The following HDAC9 variants were observed in gnomAD, a reference collection of about 807,000 sequenced individuals.
The protein encoded by HDAC9 is MEF-2 interacting transcription repressor (MITR) protein.
A neutral mutation model predicts 139.4 loss-of-function variants in HDAC9; 41 were observed. That is an observed-to-expected ratio of 0.29 (90% CI 0.23 to 0.38). The LOEUF (loss-of-function observed/expected upper bound fraction) is 0.38. Ranked by LOEUF, HDAC9 falls within the 10% of genes least tolerant of loss-of-function variation. The pLI is 1.00. For missense variants in HDAC9, 1,147 were observed against 1,297.0 expected (o/e 0.88, Z 1.78); for synonymous variants, 517 against 476.2 (o/e 1.09, Z -1.12).
At chr7:18,178,792 G>A (rs1449900117) in intron 2 of HDAC9, among the ~76,000 whole-genome samples, 2 of 152,108 alleles carry the variant, frequency 1.3e-5, no homozygotes, top group African/African-American at 2.4e-5. Flanking sequence ...AATATACTAC[G>A]TTTCTGAGGA....
intron 13 of HDAC9, among the ~76,000 whole-genome samples, chr7:18,739,163 A>C (rs1787209689): frequency 6.6e-6 from 1 of 152,166 alleles, no homozygotes; most frequent in South Asian, 2.1e-4. Context: ...CCATTCATCT[A>C]ATCTTTTTTC....
At chr7:18,864,742 G>A (rs1192303908) in intron 21 of HDAC9, among the ~76,000 whole-genome samples, 1 of 152,080 alleles carries the variant, frequency 6.6e-6, no homozygotes, top group Non-Finnish European at 1.5e-5. Context: ...GGGGCTTGGA[G>A]GAAGGGGAAA....
intron 16 of HDAC9, among the ~76,000 whole-genome samples, chr7:18,783,708 T>C (rs944484810): frequency 2.0e-5 from 3 of 151,848 alleles, no homozygotes; most frequent in Non-Finnish European, 2.9e-5. Flanking sequence ...TTTCAAACTT[T>C]GTGTGAAAAT....
At chr7:18,653,770 A>G (rs6979890) in intron 11 of HDAC9, among the ~76,000 whole-genome samples, 56,869 of 151,998 alleles carry the variant, frequency 0.37, 13,646 homozygotes, top group African/African-American at 0.66. Context: ...GAGCAAATGG[A>G]GAGCTTTCAT....
chr7:18,337,748 G>C (rs537015664), intron 1 of HDAC9, among the ~76,000 whole-genome samples: 1 of 151,816 alleles, frequency 6.6e-6, no homozygotes, highest in East Asian at 1.9e-4. Context: ...GGAAATGATT[G>C]GGCATGTGCC....
At chr7:18,359,476 A>G (rs1783601590) in intron 1 of HDAC9, among the ~76,000 whole-genome samples, 2 of 152,332 alleles carry the variant, frequency 1.3e-5, no homozygotes, top group Middle Eastern at 6.8e-3. Context: ...CTCAACTCTC[A>G]TTCACATTTT....
chr7:18,776,232 T>G (rs1012529799), intron 16 of HDAC9, among the ~76,000 whole-genome samples: 1 of 152,024 alleles, frequency 6.6e-6, no homozygotes, highest in Non-Finnish European at 1.5e-5. Context: ...CCTGAACCAC[T>G]GTGCCTGGCA....
At chr7:18,529,318 T>G (rs927560616) in intron 2 of HDAC9, among the ~76,000 whole-genome samples, 5 of 152,040 alleles carry the variant, frequency 3.3e-5, no homozygotes, top group Admixed American at 3.3e-4. Flanking sequence ...GACATAAAAG[T>G]AAATAAAAAG....
chr7:18,444,478 A>G (rs1792109695), intron 1 of HDAC9, among the ~76,000 whole-genome samples: 1 of 151,900 alleles, frequency 6.6e-6, no homozygotes, highest in Non-Finnish European at 1.5e-5. Context: ...GGAAAGGTAG[A>G]TTAGTATTTT....
intron 22 of HDAC9, among the ~76,000 whole-genome samples, chr7:18,880,120 C>G (rs1320911971): frequency 6.6e-6 from 1 of 152,162 alleles, no homozygotes; most frequent in Admixed American, 6.5e-5. Flanking sequence ...CCATCTCACA[C>G]AGGTCAGAAT....
intron 1 of HDAC9, among the ~76,000 whole-genome samples, chr7:18,448,551 A>G (rs747036535): frequency 6.6e-6 from 1 of 152,180 alleles, no homozygotes; most frequent in Admixed American, 6.5e-5. Context: ...AAGAGAGGGT[A>G]ACGTAACTAT....
chr7:18,098,134 A>G (rs1405708886), intron 1 of HDAC9, among the ~76,000 whole-genome samples: 1 of 152,232 alleles, frequency 6.6e-6, no homozygotes, highest in Non-Finnish European at 1.5e-5. Context: ...TAATCCCATC[A>G]TGACAAGTTT....
intron 1 of HDAC9, among the ~76,000 whole-genome samples, chr7:18,388,951 C>A (rs978487437): frequency 2.0e-5 from 3 of 152,108 alleles, no homozygotes; most frequent in African/African-American, 7.2e-5. Flanking sequence ...CTGAACTAAC[C>A]TTTTTCTTGT....
At chr7:18,197,066 C>G (rs1477260730) in intron 2 of HDAC9, among the ~76,000 whole-genome samples, 3 of 152,088 alleles carry the variant, frequency 2.0e-5, no homozygotes, top group Non-Finnish European at 4.4e-5. Context: ...AGGCTGACCC[C>G]CCTTATGTAA....
rs192276616 is a variant in HDAC9 at position 18,796,883 on chromosome 7, T to A, written c.2322+3431T>A. Among the ~76,000 whole-genome samples the A allele has an allele frequency of 4.0e-3, 603 of 152,324 alleles. 1 individual carries two copies. The highest frequency in any genetic ancestry group is 0.014 in the African/African-American group (577 of 41,574). ...TGGTGTTCTTTTGACAATGCTACCA[T>A]GTCTTCATAAAATAGTCAAAGTTGC... On this transcript the variant is annotated intron_variant, in intron 17 of 25. Coordinates refer to ENST00000686413, the MANE Select transcript of HDAC9 (RefSeq NM_178425.4).
chr7:18,786,640 T>TC (rs1431422034), intron 16 of HDAC9, among the ~76,000 whole-genome samples: 1 of 97,556 alleles, frequency 1.0e-5, no homozygotes, highest in African/African-American at 3.8e-5. Flanking sequence ...CTTCCTTCCT[T>TC]TCTTCCCTCC....
At chr7:18,280,624 G>A (rs1182448326) in intron 2 of HDAC9, among the ~76,000 whole-genome samples, 7 of 150,912 alleles carry the variant, frequency 4.6e-5, no homozygotes, top group South Asian at 2.1e-4. Flanking sequence ...AATAGCTGGC[G>A]TGTTGGCCTG....
At chr7:18,167,874 C>T (rs563241965) in intron 2 of HDAC9, among the ~76,000 whole-genome samples, 1 of 152,228 alleles carries the variant, frequency 6.6e-6, no homozygotes, top group South Asian at 2.1e-4. Context: ...AAATTTTATA[C>T]CTAGGACTGC....
intron 2 of HDAC9, among the ~76,000 whole-genome samples, chr7:18,203,803 T>G (rs1472056809): frequency 2.0e-5 from 3 of 152,226 alleles, no homozygotes; most frequent in African/African-American, 7.2e-5. Context: ...CAGCGGCTGA[T>G]CTGGTAGAGT....
Sources: gnomAD v4.1 joint callset for allele counts (sites outside exome capture counted in the v4.1 genomes callset) on GRCh38, gnomAD v4.1.1 for gene constraint, MANE v1.5 for transcripts, NCBI Gene and HGNC (gene_info 2026-07-23, HGNC 2026-07-21) for gene names.